Variants in IKZF3 observed in about 807,000 individuals in gnomAD.
IKZF3 encodes the protein zinc finger protein Aiolos.
IKZF3 carries 10 observed loss-of-function variants against 49.0 expected under a neutral mutation model. The ratio of observed to expected loss-of-function variants is 0.20; its 90% CI spans 0.13 to 0.35. The LOEUF is 0.35. Ranked by LOEUF, IKZF3 falls within the 10% of genes least tolerant of loss-of-function variation. The pLI, the probability that IKZF3 is intolerant of heterozygous loss-of-function variation, is 1.00. For synonymous variants in IKZF3, 209 were observed against 228.2 expected (o/e 0.92, Z 0.76); for missense variants, 498 against 664.8 (o/e 0.75, Z 2.76).
chr17:39,828,584 G>A (rs1232312625), intron 3 of IKZF3, among the ~76,000 whole-genome samples: 1 of 152,226 alleles, frequency 6.6e-6, no homozygotes, highest in East Asian at 1.9e-4. Flanking sequence ...AAAAGTGCAG[G>A]TAACCTGGGG....
chr17:39,861,005 C>A lies in IKZF3; in HGVS notation c.7+3115G>T, dbSNP rs185602862. ...CTGAGCTTTATCAAAGAATTACTAG[C>A]CCCAATCTCCTACTTTAAAAATTTA... On this transcript the variant is annotated intron_variant, in intron 1 of 7. Transcript: ENST00000346872. Among the ~76,000 whole-genome samples the A allele has an allele frequency of 2.8e-4, 43 of 152,222 alleles. 1 individual carries two copies. In the South Asian group the frequency reaches 6.6e-3, roughly 24 times the overall value.
intron 7 of IKZF3, among the ~76,000 whole-genome samples, chr17:39,772,111 A>G (rs563293067): frequency 6.6e-6 from 1 of 152,228 alleles, no homozygotes; most frequent in Admixed American, 6.5e-5. Context: ...GATATTACAC[A>G]GAAGAGGGAG....
At chr17:39,848,852 A>T (rs938547089) in intron 1 of IKZF3, among the ~76,000 whole-genome samples, 4 of 151,894 alleles carry the variant, frequency 2.6e-5, no homozygotes, top group Admixed American at 6.6e-5. Flanking sequence ...GCTAATTTTT[A>T]AAAAAATGTT....
At chr17:39,807,403 T>C (rs1158583527) in intron 3 of IKZF3, among the ~76,000 whole-genome samples, 1 of 135,412 alleles carries the variant, frequency 7.4e-6, no homozygotes, top group East Asian at 2.0e-4. Flanking sequence ...ATGATATTCT[T>C]TTTTTTTTTT....
chr17:39,826,872 T>A (rs1340026212), intron 3 of IKZF3, among the ~76,000 whole-genome samples: 2 of 152,184 alleles, frequency 1.3e-5, no homozygotes, highest in African/African-American at 2.4e-5. Flanking sequence ...TGTCTGCCAA[T>A]AAGAGAGACA....
intron 1 of IKZF3, among the ~76,000 whole-genome samples, chr17:39,837,177 C>T (rs1001138760): frequency 3.9e-5 from 6 of 152,122 alleles, no homozygotes; most frequent in Non-Finnish European, 4.4e-5. Context: ...TCAAATGATC[C>T]TCCCACCTCA....
At chr17:39,812,668 G>A (rs1236277279) in intron 3 of IKZF3, among the ~76,000 whole-genome samples, 4 of 152,210 alleles carry the variant, frequency 2.6e-5, no homozygotes, top group Non-Finnish European at 5.9e-5. Context: ...CGTGCCTGGT[G>A]CCAAAGTTTA....
intron 3 of IKZF3, among the ~76,000 whole-genome samples, chr17:39,796,354 C>T (rs978483041): frequency 4.8e-4 from 73 of 152,130 alleles, no homozygotes; most frequent in African/African-American, 1.6e-3. Context: ...ACCCTTCTTC[C>T]AGTCTCCAAG....
Position 39,761,023 on chromosome 17 carries a change from T to C in IKZF3, c.*4767A>G, listed in dbSNP as rs1424270561. On this transcript the variant is annotated 3_prime_UTR_variant, in exon 8 of 8. Transcript: ENST00000346872. ...AAAAAAAATTAGCTGTGCATGGTGG[T>C]GTGCCTATAGTCCCAGCTACTTGGG... 1.3e-5 allele frequency: 2 copies of C among 151,648 alleles called. No homozygotes were observed. Among genetic ancestry groups the C allele is most frequent in the East Asian group, 3.9e-4 (2 of 5,190 alleles). The allele number at this position is 151,648 out of a possible 1,614,324, so 9.4% of individuals were successfully genotyped here.
rs914583145 is a variant in IKZF3, at chr17:39,758,601, T to C, written c.*7189A>G. The stretch of plus-strand genomic sequence containing the variant: ...GTGGAGAGATGAACAGTGAGAAACA[T>C]TTGAAATAACTCAAGTTTTGGAGCA... On this transcript the variant is annotated 3_prime_UTR_variant, in exon 8 of 8. Transcript: ENST00000346872. 4.0e-5 allele frequency: 6 copies of C among 151,848 alleles called. No individual in the cohort carries two copies. Among genetic ancestry groups the C allele is most frequent in the African/African-American group, 9.7e-5 (4 of 41,372 alleles). The allele number at this position is 151,848 out of a possible 1,614,324, so 9.4% of individuals were successfully genotyped here. A position where few individuals can be genotyped will look rare whatever the true frequency, so the allele number is the denominator to read the frequency against.
rs116815485 is a variant in IKZF3 at position 39,792,881 on chromosome 17, T to C, written c.216A>G (p.Leu72=). The change falls in exon 4 of 8, where the codon TTA becomes TTG. Residue 72 remains leucine (L), a synonymous_variant. Coordinates refer to ENST00000346872, the MANE Select transcript of IKZF3 (RefSeq NM_012481.5). The stretch of plus-strand genomic sequence containing the variant: ...CTGCATTTCCCATGGGTTCTGACTT[T>C]AAAACATTCTCATCTCTTTCACTGT... ...DEYSERDENV[L]KSEPMGNAEE... is the part of the protein sequence containing the mutation. 1.6e-3 allele frequency: 2,629 copies of C among 1,613,984 alleles called. 5 individuals are homozygous for C. The highest frequency in any genetic ancestry group is 2.9e-3 in the Admixed American group (173 of 60,030).
chr17:39,773,069 G>A (rs955109029), intron 7 of IKZF3, among the ~76,000 whole-genome samples: 2 of 152,144 alleles, frequency 1.3e-5, no homozygotes, highest in Admixed American at 6.5e-5. Flanking sequence ...ACCTGCTTAG[G>A]ACTCCCAAAG....
intron 1 of IKZF3, chr17:39,835,210 G>A: frequency 9.6e-6 from 5 of 520,578 alleles, no homozygotes; most frequent in South Asian, 7.4e-5. Flanking sequence ...CCAGACTTCA[G>A]CTGGCTCTCC....
At chr17:39,778,216 C>T in intron 6 of IKZF3, 1 of 984,998 alleles carries the variant, frequency 1.0e-6, no homozygotes, top group Non-Finnish European at 1.2e-6. Flanking sequence ...GTTAACAGCA[C>T]TTTTGAAAAT....
intron 1 of IKZF3, among the ~76,000 whole-genome samples, chr17:39,834,698 G>T (rs1474926411): frequency 6.6e-6 from 1 of 152,020 alleles, no homozygotes; most frequent in Non-Finnish European, 1.5e-5. Flanking sequence ...GGTTTTTGTT[G>T]GTTTTCTTTG....
At chr17:39,789,073 TC>T (rs2060944534) in intron 5 of IKZF3, among the ~76,000 whole-genome samples, 1 of 152,024 alleles carries the variant, frequency 6.6e-6, no homozygotes, top group African/African-American at 2.4e-5. Flanking sequence ...CACCTTGGCC[TC>T]CCAAAGTGAG....
intron 3 of IKZF3, among the ~76,000 whole-genome samples, chr17:39,808,971 C>T (rs1484959543): frequency 6.6e-6 from 1 of 152,156 alleles, no homozygotes; most frequent in Non-Finnish European, 1.5e-5. Context: ...TTCTCAAGGG[C>T]TGCTATGAAA....
intron 3 of IKZF3, among the ~76,000 whole-genome samples, chr17:39,797,939 A>C: frequency 6.7e-6 from 1 of 150,196 alleles, no homozygotes; most frequent in African/African-American, 2.4e-5. Context: ...TCCAGGTGTA[A>C]CCTCTCTCCC....
intron 1 of IKZF3, among the ~76,000 whole-genome samples, chr17:39,842,612 GA>G (rs1398640906): frequency 6.6e-6 from 1 of 151,898 alleles, no homozygotes; most frequent in Admixed American, 6.6e-5. Context: ...AACTCATTGG[GA>G]AAAAAACAGA....
Sources: allele counts gnomAD v4.1 joint callset (sites outside exome capture counted in the v4.1 genomes callset), GRCh38; gene constraint gnomAD v4.1.1; transcripts MANE v1.5; gene names NCBI Gene and HGNC (gene_info 2026-07-23, HGNC 2026-07-21).